OR14A2: variants seen among roughly 807,000 people sequenced by gnomAD.
OR14A2 encodes the protein olfactory receptor 14A2.
For synonymous variants in OR14A2, 114 were observed against 58.6 expected (o/e 1.95, Z -4.32); for missense variants, 237 against 152.9 (o/e 1.55, Z -2.90).
At chr1:247,725,551 T>G (rs1660326119), upstream of OR14A2, among the ~76,000 whole-genome samples, 1 of 150,538 alleles carries the variant, frequency 6.6e-6, no homozygotes, top group Admixed American at 6.6e-5. Flanking sequence ...TTTATTATAC[T>G]TTAAGTTTTA....
the OR14A2 span, among the ~76,000 whole-genome samples, chr1:247,737,680 G>A: frequency 6.6e-6 from 1 of 152,058 alleles, no homozygotes; most frequent in Non-Finnish European, 1.5e-5. Context: ...TGAAAAAATT[G>A]CCATTGAAGT....
the OR14A2 span, among the ~76,000 whole-genome samples, chr1:247,737,663 G>C: frequency 1.3e-5 from 2 of 152,022 alleles, no homozygotes; most frequent in Non-Finnish European, 2.9e-5. Flanking sequence ...GAAACCAAAG[G>C]GGAAAGTGAA....
chr1:247,730,749 A>G, the OR14A2 span, among the ~76,000 whole-genome samples: 2 of 152,090 alleles, frequency 1.3e-5, no homozygotes, highest in South Asian at 4.1e-4. Context: ...AGGCCTGGAA[A>G]TGGGAACTCT....
At chr1:247,739,019 C>T in the OR14A2 span, 1 of 780,676 alleles carries the variant, frequency 1.3e-6, no homozygotes, top group Non-Finnish European at 2.4e-6. Flanking sequence ...CTGTCATGAG[C>T]AGAGGGCTCT....
chr1:247,734,809 T>G, the OR14A2 span, among the ~76,000 whole-genome samples: 8 of 152,266 alleles, frequency 5.3e-5, 1 homozygote, highest in Middle Eastern at 0.017. Flanking sequence ...GAATGTGGGG[T>G]GTCCACAAGA....
chr1:247,733,261 A>G, the OR14A2 span, among the ~76,000 whole-genome samples: 1 of 152,294 alleles, frequency 6.6e-6, no homozygotes, highest in East Asian at 1.9e-4. Context: ...ACTAAAGACG[A>G]AAAGTGAATA....
chr1:247,735,768 C>T, the OR14A2 span, among the ~76,000 whole-genome samples: 1 of 152,044 alleles, frequency 6.6e-6, no homozygotes, highest in South Asian at 2.1e-4. Context: ...TCAAAATCGT[C>T]GTGAGTTTAA....
the OR14A2 span, among the ~76,000 whole-genome samples, chr1:247,744,834 C>CAAAG: frequency 6.6e-6 from 1 of 152,020 alleles, no homozygotes; most frequent in Admixed American, 6.5e-5. The surrounding 1 kb of genome is among the most constrained non-coding windows in gnomAD (Gnocchi z 4.3). Context: ...CTTCAGAAAA[C>CAAAG]AAAGGAGAAC....
chr1:247,726,408 G>A (rs1660359043), upstream of OR14A2, among the ~76,000 whole-genome samples: 1 of 140,674 alleles, frequency 7.1e-6, no homozygotes, highest in African/African-American at 2.9e-5. Context: ...ATTTGTTTGA[G>A]TTCATTGTAG....
chr1:247,739,170 A>G, the OR14A2 span: 1 of 780,726 alleles, frequency 1.3e-6, no homozygotes, highest in Non-Finnish European at 2.4e-6. Context: ...ACTAAAGCTC[A>G]CTTGTTCTAA....
the OR14A2 span, among the ~76,000 whole-genome samples, chr1:247,736,175 C>T: frequency 4.1e-5 from 6 of 144,808 alleles, no homozygotes; most frequent in Non-Finnish European, 8.9e-5. Context: ...CCTCCCCTCT[C>T]CTCTCCTCTC....
At chr1:247,734,169 C>A in the OR14A2 span, among the ~76,000 whole-genome samples, 1 of 152,064 alleles carries the variant, frequency 6.6e-6, no homozygotes, top group East Asian at 1.9e-4. Flanking sequence ...TTAGGATGGT[C>A]CCCAATCTAA....
the OR14A2 span, among the ~76,000 whole-genome samples, chr1:247,742,465 CA>C: frequency 6.6e-6 from 1 of 151,496 alleles, no homozygotes; most frequent in Non-Finnish European, 1.5e-5. Context: ...AATACACACA[CA>C]CACGCACACA....
At chr1:247,742,076 A>G in the OR14A2 span, among the ~76,000 whole-genome samples, 1 of 152,240 alleles carries the variant, frequency 6.6e-6, no homozygotes. Flanking sequence ...GTTGAAACAA[A>G]ATGTGTATTG....
the OR14A2 span, among the ~76,000 whole-genome samples, chr1:247,740,843 G>A: frequency 6.6e-6 from 1 of 152,118 alleles, no homozygotes; most frequent in African/African-American, 2.4e-5. Flanking sequence ...TTAATCCTCT[G>A]ACTGATATGA....
chr1:247,733,621 T>C, the OR14A2 span, among the ~76,000 whole-genome samples: 1 of 152,252 alleles, frequency 6.6e-6, no homozygotes, highest in African/African-American at 2.4e-5. Context: ...AAATTCTTTC[T>C]ATTGCAATAC....
chr1:247,723,795 G>C, exon 1 of OR14A2: 2 of 718,128 alleles, frequency 2.8e-6, no homozygotes, highest in Non-Finnish European at 5.2e-6. Flanking sequence ...TGTGGGTTAG[G>C]TTGTTGACAA....
the OR14A2 span, among the ~76,000 whole-genome samples, chr1:247,742,739 T>C: frequency 4.6e-5 from 7 of 152,138 alleles, no homozygotes; most frequent in Non-Finnish European, 1.0e-4. Flanking sequence ...GAAACTAATA[T>C]GTGGAAATAA....
chr1:247,734,473 G>C, the OR14A2 span, among the ~76,000 whole-genome samples: 1 of 152,144 alleles, frequency 6.6e-6, no homozygotes, highest in Non-Finnish European at 1.5e-5. Flanking sequence ...AGTATCTACT[G>C]ATTAATTTAA....
Sources: gnomAD v4.1 joint callset for allele counts (sites outside exome capture counted in the v4.1 genomes callset) on GRCh38, gnomAD v4.1.1 for gene constraint, Gnocchi (gnomAD v3.1) non-coding constraint, MANE v1.5 for transcripts, NCBI Gene and HGNC (gene_info 2026-07-23, HGNC 2026-07-21) for gene names.